Variants in CDH8 observed in about 807,000 individuals in gnomAD.
The protein encoded by CDH8 is cadherin 8.
CDH8 carries 17 observed loss-of-function variants against 68.1 expected under a neutral mutation model. The ratio of observed to expected loss-of-function variants is 0.25; its 90% CI spans 0.17 to 0.37. The LOEUF (loss-of-function observed/expected upper bound fraction) is 0.37. Ranked by LOEUF, CDH8 falls within the 10% of genes least tolerant of loss-of-function variation. The pLI is 1.00. For missense variants in CDH8, 763 were observed against 999.3 expected, an observed-to-expected ratio of 0.76 and a Z score of 3.19; for synonymous variants, 372 against 365.1, an observed-to-expected ratio of 1.02 and a Z score of -0.21.
Position 61,666,206 on chromosome 16 carries a change from G to GTATA in CDH8, c.1655-10489_1655-10486dup, listed in dbSNP as rs57098637. 4.0e-3 allele frequency among the ~76,000 whole-genome samples: 583 copies of GTATA among 145,604 alleles called. 2 individuals carry two copies. Among genetic ancestry groups the GTATA allele is most frequent in the East Asian group, 0.013 (65 of 4,928 alleles). Reference sequence around the variant, plus strand: ...TGTGTGTGTGTGTGTGTGTGTGTGTGTATATATATATATATGTATATGGTT... The same window carrying GTATA: ...TGTGTGTGTGTGTGTGTGTGTGTGTGTATATATATATATATATATGTATATGGTT... On this transcript the variant is annotated intron_variant, in intron 10 of 11. Coordinates refer to ENST00000577390, the MANE Select transcript of CDH8 (RefSeq NM_001796.5).
rs748003261 is a variant in CDH8 at position 62,021,185 on chromosome 16, C to A, written c.219G>T (p.Glu73Asp). ...CAAGAATCGGTTCAGGTCCAGAAAACTCTTCCAGGACAAACATTTGATTCC... is the reference window on the plus strand; with the variant it reads ...CAAGAATCGGTTCAGGTCCAGAAAAATCTTCCAGGACAAACATTTGATTCC... Reference protein sequence around the residue: ...WVWNQMFVLEEFSGPEPILVG... With the variant: ...WVWNQMFVLEDFSGPEPILVG... Residue 73 changes from glutamate to aspartate, a missense_variant, in exon 2 of 12, where the codon GAG becomes GAT. Physicochemically the swap from Glu to Asp is conservative, Grantham distance 45. Transcript: ENST00000577390. 2 of 1,613,904 alleles carry A rather than the reference C, an allele frequency of 1.2e-6. No individual in the cohort carries two copies. The highest frequency in any genetic ancestry group is 2.7e-5 in the African/African-American group (2 of 74,914).
At position 61,654,011 on chromosome 16, in the gene CDH8, C is replaced by A. The variant is rs146063486; in HGVS notation, c.1997G>T (p.Arg666Leu). The A allele has an allele frequency of 2.5e-6, 4 of 1,613,362 alleles. No individual in the cohort carries two copies. The highest frequency in any genetic ancestry group is 2.5e-6 in the Non-Finnish European group (3 of 1,179,396). ...CTCCCCTCCTCCTTCATCATCGTAG[C>A]GAATGATGTTTTCTCGAACGTCTTC... is the stretch of plus-strand genomic sequence containing the variant. ...DDEDVRENII[R>L]YDDEGGGEED... The change falls in exon 12 of 12, where the codon CGC becomes CTC. Residue 666 changes from arginine to leucine, a missense_variant. Around this residue, in one of 2 missense-constraint regions of CDH8, gnomAD observed 397 missense variants for 436.2 expected, o/e 0.91. Transcript: ENST00000577390.
At position 61,959,976 on chromosome 16, in the gene CDH8, G is replaced by GCA. The variant is rs1567545386; in HGVS notation, c.253-58504_253-58503insTG. Among the ~76,000 whole-genome samples, 12 of 53,608 alleles carry GCA rather than the reference G, an allele frequency of 2.2e-4. 2 individuals are homozygous for GCA. Among genetic ancestry groups the GCA allele is most frequent in the African/African-American group, 6.1e-4 (9 of 14,852 alleles). The allele number at this position is 53,608 out of a possible 152,430, so 35.2% of individuals were successfully genotyped here. A position where few individuals can be genotyped will look rare whatever the true frequency, so the allele number is the denominator to read the frequency against. On this transcript the variant is annotated intron_variant, in intron 2 of 11. Coordinates refer to ENST00000577390, the MANE Select transcript of CDH8 (RefSeq NM_001796.5). ...CTTTCTCTGTATGTGGTGTATGTGT[G>GCA]TGTGTGTGTATATATATATATATAT...
chr16:61,780,675 A>AT (rs1242713388), intron 8 of CDH8, among the ~76,000 whole-genome samples: 3 of 152,244 alleles, frequency 2.0e-5, no homozygotes, highest in African/African-American at 7.2e-5. Flanking sequence ...TCTCCTTTTA[A>AT]TTTTTTTCCC....
chr16:61,688,226 C>T (rs770592903), intron 10 of CDH8, among the ~76,000 whole-genome samples: 1 of 152,050 alleles, frequency 6.6e-6, no homozygotes, highest in Non-Finnish European at 1.5e-5. Context: ...ATACCCACCT[C>T]CCTGCCTGAG....
chr16:61,651,068 A>C lies in CDH8; in HGVS notation c.*2540T>G, dbSNP rs551070340. 6.6e-6 allele frequency: 1 copy of C among 152,246 alleles called. No individual in the cohort carries two copies. The highest frequency in any genetic ancestry group is 2.4e-5 in the African/African-American group (1 of 41,548). 9.4% of individuals were successfully genotyped at this position (152,246 alleles called of 1,614,324 possible). ...GAGGATACAGATTTTATACTCCTTA[A>C]AAAATACTGTAATTATTCTGTTAGA... is the stretch of plus-strand genomic sequence containing the variant. On this transcript the variant is annotated 3_prime_UTR_variant, in exon 12 of 12. Coordinates refer to ENST00000577390, the MANE Select transcript of CDH8 (RefSeq NM_001796.5).
intron 8 of CDH8, among the ~76,000 whole-genome samples, chr16:61,739,904 TATATATATGTA>T (rs1212394043): frequency 1.8e-4 from 15 of 85,226 alleles, no homozygotes; most frequent in South Asian, 7.9e-4. Context: ...TATATATATA[TATATATATGTA>T]TTTTTTTTTT....
intron 8 of CDH8, among the ~76,000 whole-genome samples, chr16:61,771,492 AAC>A (rs1477855236): frequency 1.3e-5 from 2 of 149,240 alleles, no homozygotes; most frequent in African/African-American, 4.9e-5. Flanking sequence ...AAAAAAAAAA[AAC>A]TTTTTTTTAA....
At chr16:61,749,011 A>G (rs1960092533) in intron 8 of CDH8, among the ~76,000 whole-genome samples, 2 of 152,062 alleles carry the variant, frequency 1.3e-5, no homozygotes, top group Non-Finnish European at 2.9e-5. Context: ...TCTGAAGGTA[A>G]CAAATGAGCT....
chr16:61,730,250 G>A (rs555054657), intron 8 of CDH8, among the ~76,000 whole-genome samples: 114 of 151,468 alleles, frequency 7.5e-4, no homozygotes, highest in Non-Finnish European at 9.2e-4. Flanking sequence ...CATTAAAGTA[G>A]GTTTTCTCAT....
At chr16:61,870,321 C>T (rs866743973) in intron 3 of CDH8, among the ~76,000 whole-genome samples, 4 of 151,894 alleles carry the variant, frequency 2.6e-5, no homozygotes, top group South Asian at 2.1e-4. Flanking sequence ...GTTCGCCAGG[C>T]GGAAAGAAAA....
chr16:61,817,432 C>G, intron 7 of CDH8, 47 bp downstream of exon 7: 14 of 1,598,490 alleles, frequency 8.8e-6, no homozygotes, highest in Non-Finnish European at 1.2e-5. Context: ...TTTCACTGAT[C>G]TGCTTGTCAT....
At chr16:61,939,860 A>G (rs1181806174) in intron 2 of CDH8, among the ~76,000 whole-genome samples, 1 of 152,218 alleles carries the variant, frequency 6.6e-6, no homozygotes, top group Non-Finnish European at 1.5e-5. Flanking sequence ...TATTTGTCAC[A>G]TGGCACAGAT....
At chr16:62,031,893 T>A (rs1309378038) in intron 1 of CDH8, 1 of 152,200 alleles carries the variant, frequency 6.6e-6, no homozygotes, top group Admixed American at 6.5e-5. Flanking sequence ...TTGAACTTAT[T>A]TCTTTTCTGA....
chr16:61,931,155 T>A (rs77225074), intron 2 of CDH8, among the ~76,000 whole-genome samples: 15,573 of 148,952 alleles, frequency 0.1, 1,064 homozygotes, highest in East Asian at 0.29. Flanking sequence ...CATGAGGACC[T>A]TTTGTTTTGT....
chr16:61,679,834 T>C (rs1056586276), intron 10 of CDH8, among the ~76,000 whole-genome samples: 3 of 151,980 alleles, frequency 2.0e-5, no homozygotes, highest in East Asian at 3.9e-4. Context: ...CAGTGTTTTC[T>C]TGAATATGTC....
rs750449511 is a variant in CDH8 at position 61,652,084 on chromosome 16, TA to T, written c.*1523del. On this transcript the variant is annotated 3_prime_UTR_variant, in exon 12 of 12. Transcript: ENST00000577390. Reference sequence around the variant, plus strand: ...CTCTGAATACAATACATGGAGTGAATAAACAATATTGCATTAAAGCAAAGTA... The same window carrying T: ...CTCTGAATACAATACATGGAGTGAATAACAATATTGCATTAAAGCAAAGTA... 2 of 900,678 alleles carry T rather than the reference TA, an allele frequency of 2.2e-6. No individual in the cohort carries two copies. The highest frequency in any genetic ancestry group is 2.7e-6 in the Non-Finnish European group (2 of 752,850). 55.8% of individuals were successfully genotyped at this position (900,678 alleles called of 1,614,324 possible).
intron 1 of CDH8, among the ~76,000 whole-genome samples, chr16:62,024,367 A>G (rs981040066): frequency 6.6e-6 from 1 of 152,196 alleles, no homozygotes; most frequent in African/African-American, 2.4e-5. Flanking sequence ...ATAGACTAGC[A>G]TGCACAGTTC....
intron 2 of CDH8, among the ~76,000 whole-genome samples, chr16:61,964,455 A>G (rs1447574165): frequency 1.3e-5 from 2 of 152,122 alleles, no homozygotes; most frequent in Non-Finnish European, 2.9e-5. Context: ...TTGGGATGGG[A>G]AAAGTAACCG....
Sources: gnomAD v4.1 joint callset for allele counts (sites outside exome capture counted in the v4.1 genomes callset) on GRCh38, gnomAD v4.1.1 for gene constraint, gnomAD v4.1.1 regional missense constraint, MANE v1.5 for transcripts, NCBI Gene and HGNC (gene_info 2026-07-23, HGNC 2026-07-21) for gene names.